The following NCOA7 variants were observed in gnomAD, a reference collection of about 807,000 sequenced individuals.
NCOA7 encodes nuclear receptor coactivator 7, also known as 140 kDa estrogen receptor-associated protein.
Under a neutral mutation model 104.3 loss-of-function variants are expected in NCOA7, and 45 were observed. That is an observed-to-expected ratio of 0.43 (90% CI 0.34 to 0.55). NCOA7 has a LOEUF of 0.55. NCOA7 is among the 20% of genes least tolerant of loss of function. NCOA7 has a pLI of 0.02. For missense variants in NCOA7, 1,041 were observed against 1,119.7 expected (o/e 0.93, Z 1.00); for synonymous variants, 398 against 402.3 (o/e 0.99, Z 0.13).
intron 1 of NCOA7, among the ~76,000 whole-genome samples, chr6:125,807,116 C>T (rs1776540232): frequency 6.6e-6 from 1 of 152,182 alleles, no homozygotes; most frequent in East Asian, 1.9e-4. Flanking sequence ...CGACCTCTCT[C>T]CCTCCATATC....
intron 2 of NCOA7, among the ~76,000 whole-genome samples, chr6:125,852,702 A>T (rs1216015737): frequency 1.3e-5 from 2 of 152,290 alleles, no homozygotes; most frequent in South Asian, 2.1e-4. Flanking sequence ...TGCTCTGTCG[A>T]AGATCAGTTG....
intron 15 of NCOA7, 57 bp downstream of exon 15, chr6:125,928,304 G>A: frequency 6.7e-7 from 1 of 1,490,714 alleles, no homozygotes; most frequent in Admixed American, 2.0e-5. Context: ...GACCTGAGTG[G>A]GTCTGTTTTG....
chr6:125,927,876 G>A (rs1788173618), intron 14 of NCOA7, 118 bp downstream of exon 14: 2 of 886,740 alleles, frequency 2.3e-6, no homozygotes, highest in Non-Finnish European at 1.9e-6. Context: ...ACTCCGGGCT[G>A]GGTCAGCCCT....
intron 6 of NCOA7, among the ~76,000 whole-genome samples, chr6:125,882,003 G>A (rs1274562685): frequency 6.6e-6 from 1 of 152,022 alleles, no homozygotes; most frequent in Non-Finnish European, 1.5e-5. Flanking sequence ...ACAGGCACCG[G>A]CCACTATGCC....
At chr6:125,797,473 A>G (rs1251096695) in intron 1 of NCOA7, among the ~76,000 whole-genome samples, 1 of 152,222 alleles carries the variant, frequency 6.6e-6, no homozygotes, top group African/African-American at 2.4e-5. Flanking sequence ...ATCACTAACC[A>G]GGTATGCCTT....
At position 125,796,605 on chromosome 6, in the gene NCOA7, A is replaced by G. The variant is rs188891855; in HGVS notation, c.-65+5538A>G. On this transcript the variant is annotated intron_variant, in intron 1 of 15. Transcript: ENST00000392477. ...TTTGGGGAATAATGACAAGGAAAAA[A>G]GTCTGTACATGTTCAGTACACAACC... 2.6e-5 allele frequency: 4 copies of G among 152,062 alleles called. No homozygotes were observed. The East Asian group carries it at 7.8e-4, about 29-fold the overall frequency. The allele number at this position is 152,062 out of a possible 1,614,324, so 9.4% of individuals were successfully genotyped here.
intron 10 of NCOA7, chr6:125,913,778 T>C (rs2128687783): frequency 4.4e-6 from 2 of 455,876 alleles, no homozygotes; most frequent in African/African-American, 2.1e-5. Context: ...GTTATTAATG[T>C]CCACCTTACA....
chr6:125,908,297 A>G (rs1786212781), intron 10 of NCOA7, among the ~76,000 whole-genome samples: 1 of 152,230 alleles, frequency 6.6e-6, no homozygotes, highest in African/African-American at 2.4e-5. Flanking sequence ...AAACACACAC[A>G]TATGCACATG....
intron 3 of NCOA7, among the ~76,000 whole-genome samples, chr6:125,871,599 G>A (rs960412719): frequency 2.6e-5 from 4 of 152,204 alleles, no homozygotes; most frequent in African/African-American, 9.7e-5. Flanking sequence ...TTTGGCAGGT[G>A]CACATGATTT....
chr6:125,828,843 C>A (rs770469683), intron 2 of NCOA7, among the ~76,000 whole-genome samples: 1 of 152,112 alleles, frequency 6.6e-6, no homozygotes, highest in Non-Finnish European at 1.5e-5. Context: ...ACAAATATGA[C>A]CTCACTATGG....
At chr6:125,896,065 CAT>C (rs769020319) in intron 10 of NCOA7, among the ~76,000 whole-genome samples, 7 of 145,074 alleles carry the variant, frequency 4.8e-5, no homozygotes, top group East Asian at 2.0e-4. Flanking sequence ...ATACATAATA[CAT>C]ATATATATAT....
At chr6:125,911,259 G>T (rs1051034418) in intron 10 of NCOA7, among the ~76,000 whole-genome samples, 1 of 152,204 alleles carries the variant, frequency 6.6e-6, no homozygotes, top group Non-Finnish European at 1.5e-5. Context: ...GCCTAGGAGG[G>T]CTAGAAGCAA....
chr6:125,913,695 T>C, intron 10 of NCOA7: 1 of 974,824 alleles, frequency 1.0e-6, no homozygotes, highest in Non-Finnish European at 1.2e-6. Flanking sequence ...AGAAAATTGG[T>C]AAGTCTGTAC....
intron 10 of NCOA7, among the ~76,000 whole-genome samples, chr6:125,909,627 G>A (rs960537041): frequency 1.3e-5 from 2 of 152,130 alleles, no homozygotes; most frequent in African/African-American, 4.8e-5. Flanking sequence ...TGGCTAACAT[G>A]GTGAAACCCC....
intron 2 of NCOA7, among the ~76,000 whole-genome samples, chr6:125,850,741 A>G (rs1221828982): frequency 6.6e-6 from 1 of 152,224 alleles, no homozygotes; most frequent in East Asian, 1.9e-4. Flanking sequence ...TCACCTTCGG[A>G]AGGGGGCAAC....
At chr6:125,869,847 C>T (rs928685726) in intron 3 of NCOA7, among the ~76,000 whole-genome samples, 2 of 152,342 alleles carry the variant, frequency 1.3e-5, no homozygotes, top group Non-Finnish European at 2.9e-5. Flanking sequence ...ACTCTCCCTC[C>T]AGAAGGAAAG....
upstream of NCOA7, among the ~76,000 whole-genome samples, chr6:125,788,958 G>C (rs760016266): frequency 5.3e-5 from 8 of 152,080 alleles, no homozygotes; most frequent in Non-Finnish European, 1.0e-4. Flanking sequence ...GGAGTCCATA[G>C]AGAGAAAAAC....
intron 1 of NCOA7, among the ~76,000 whole-genome samples, chr6:125,793,723 A>G (rs893388695): frequency 6.6e-6 from 1 of 152,178 alleles, no homozygotes; most frequent in Admixed American, 6.5e-5. Context: ...TGTTTGTTTA[A>G]ATTCAACAGG....
At chr6:125,900,689 G>T (rs1393253494) in intron 10 of NCOA7, among the ~76,000 whole-genome samples, 1 of 152,110 alleles carries the variant, frequency 6.6e-6, no homozygotes, top group Admixed American at 6.5e-5. Context: ...AGCAAAAAAG[G>T]ACCTGTCTAC....
Sources: allele counts gnomAD v4.1 joint callset (sites outside exome capture counted in the v4.1 genomes callset), GRCh38; gene constraint gnomAD v4.1.1; transcripts MANE v1.5; gene names NCBI Gene and HGNC (gene_info 2026-07-23, HGNC 2026-07-21).